The following FBXO41 variants were observed in gnomAD, a reference collection of about 807,000 sequenced individuals.
The protein encoded by FBXO41 is F-box protein 41.
In FBXO41, 33 loss-of-function variants were observed where a neutral mutation model predicts 81.6. The observed-to-expected ratio is 0.40, with a 90% CI of 0.31 to 0.54. FBXO41 has a LOEUF of 0.54. Ranked by LOEUF, FBXO41 falls within the 20% of genes least tolerant of loss-of-function variation. FBXO41 has a pLI of 0.39. For synonymous variants in FBXO41, 576 were observed against 552.7 expected (o/e 1.04, Z -0.59); for missense variants, 1,107 against 1,236.0 (o/e 0.90, Z 1.56).
intron 5 of FBXO41, 61 bp from the exon 6 acceptor site, chr2:73,264,580 T>G (rs1688160398): frequency 8.8e-6 from 14 of 1,598,170 alleles, no homozygotes; most frequent in Middle Eastern, 2.1e-4. Context: ...TGGGGATGTG[T>G]GTGGGGAGCT....
At position 73,263,215 on chromosome 2, in the gene FBXO41, G is replaced by A; in HGVS notation, c.2169C>T (p.Pro723=). Residue 723 remains proline (P), a splice_region_variant and synonymous_variant, in exon 9 of 13, where the codon CCC becomes CCT. Coordinates refer to ENST00000520530, the MANE Select transcript of FBXO41 (RefSeq NM_001371389.2). ...IVSLQVAPLH[P]CQQPTRFSNR... ...CCCCCAAACCTGCCAGGGCTCACCAGGGGTGAAGTGGTGCCACTTGGAGGG... is the reference window on the plus strand; with the variant it reads ...CCCCCAAACCTGCCAGGGCTCACCAAGGGTGAAGTGGTGCCACTTGGAGGG... 1 of 1,554,228 alleles carries A rather than the reference G, an allele frequency of 6.4e-7. No individual in the cohort carries two copies. The highest frequency in any genetic ancestry group is 8.7e-7 in the Non-Finnish European group (1 of 1,148,420).
rs1481342543 is a variant in FBXO41, at chr2:73,260,214, G to GACCTGCT, written c.2449+174_2449+175insAGCAGGT. On this transcript the variant is annotated intron_variant, in intron 11 of 12. Coordinates refer to ENST00000520530, the MANE Select transcript of FBXO41 (RefSeq NM_001371389.2). This position sits in a 1 kb window ranked among gnomAD's most constrained non-coding sequence, Gnocchi z 5.0. Reference sequence around the variant, plus strand: ...ACTCAGCTAATAAGTAGCAGAGCCAGACCTGGGACCTAGGTCAGTCAGGCT... The same window carrying GACCTGCT: ...ACTCAGCTAATAAGTAGCAGAGCCAGACCTGCTACCTGGGACCTAGGTCAGTCAGGCT... Among the ~76,000 whole-genome samples the GACCTGCT allele has an allele frequency of 2.0e-5, 3 of 152,186 alleles. No individual in the cohort carries two copies. The highest frequency in any genetic ancestry group is 7.2e-5 in the African/African-American group (3 of 41,434).
At chr2:73,270,610 G>T (rs1688463053) in intron 1 of FBXO41, among the ~76,000 whole-genome samples, 1 of 152,022 alleles carries the variant, frequency 6.6e-6, no homozygotes, top group Non-Finnish European at 1.5e-5. Context: ...CCTAGAAAAG[G>T]TGAGGTAGGC....
intron 1 of FBXO41, among the ~76,000 whole-genome samples, chr2:73,275,881 G>A (rs1364200807): frequency 6.7e-6 from 1 of 150,040 alleles, no homozygotes; most frequent in Non-Finnish European, 1.5e-5. Context: ...CCACGCCCTG[G>A]GTTCAAGTGA....
chr2:73,267,762 C>A (rs935707569), intron 2 of FBXO41, among the ~76,000 whole-genome samples: 2 of 152,180 alleles, frequency 1.3e-5, no homozygotes, highest in African/African-American at 2.4e-5. Context: ...CTTAAATGTG[C>A]TCAGAGCACT....
chr2:73,275,179 G>A (rs974962011), intron 1 of FBXO41, among the ~76,000 whole-genome samples: 4 of 149,338 alleles, frequency 2.7e-5, no homozygotes, highest in Non-Finnish European at 4.4e-5. Context: ...ATGAGCCACC[G>A]CGCCCGGCCC....
intron 9 of FBXO41, among the ~76,000 whole-genome samples, chr2:73,261,379 G>T (rs1236757369): frequency 6.6e-6 from 1 of 152,100 alleles, no homozygotes; most frequent in Non-Finnish European, 1.5e-5. Context: ...TGAACCCACA[G>T]TTCAGACCAC....
At chr2:73,281,719 G>C (rs982014823) in intron 1 of FBXO41, among the ~76,000 whole-genome samples, 1 of 152,212 alleles carries the variant, frequency 6.6e-6, no homozygotes, top group Admixed American at 6.5e-5. Flanking sequence ...GAGAGTCTAC[G>C]TGAGACCAGC....
intron 1 of FBXO41, among the ~76,000 whole-genome samples, chr2:73,271,694 A>C (rs529549058): frequency 7.4e-4 from 107 of 144,474 alleles, no homozygotes; most frequent in Non-Finnish European, 1.3e-3. Context: ...GCAGTGGTGC[A>C]GTCTCGGCTC....
chr2:73,266,869 G>T lies in FBXO41; in HGVS notation c.906-187C>A. Reference sequence around the variant, plus strand: ...CACGATGACACATACAGAAATGCATGCATGCACTCCGAGCCACACACTCAC... The same window carrying T: ...CACGATGACACATACAGAAATGCATTCATGCACTCCGAGCCACACACTCAC... On this transcript the variant is annotated intron_variant, in intron 2 of 12. Transcript: ENST00000520530. The surrounding 1 kb of genome is among the most constrained non-coding windows in gnomAD (Gnocchi z 5.3). 1.1e-6 allele frequency: 1 copy of T among 907,314 alleles called. No individual in the cohort carries two copies. The highest frequency in any genetic ancestry group is 1.5e-6 in the Non-Finnish European group (1 of 661,960). 56.2% of individuals were successfully genotyped at this position (907,314 alleles called of 1,614,324 possible).
Position 73,266,517 on chromosome 2 carries a change from G to A in FBXO41, c.1071C>T (p.Ser357=), listed in dbSNP as rs1030500048. ...CACCGCCCCCACCTCCACGGCCCAG[G>A]CTGGCGCTGGGCGTGCTGCCACAGC... is the stretch of plus-strand genomic sequence containing the variant. The part of the protein sequence containing the change: ...SSSCGSTPSA[S]LGRGGGGGGA... Residue 357 remains serine (S), a synonymous_variant, in exon 3 of 13, where the codon AGC becomes AGT. Transcript: ENST00000520530. This position sits in a 1 kb window ranked among gnomAD's most constrained non-coding sequence, Gnocchi z 5.3. The A allele has an allele frequency of 5.3e-5, 85 of 1,601,450 alleles. No individual in the cohort carries two copies. The highest frequency in any genetic ancestry group is 7.0e-5 in the Non-Finnish European group (82 of 1,175,292).
chr2:73,277,097 G>A (rs1011071761), intron 1 of FBXO41, among the ~76,000 whole-genome samples: 1 of 152,198 alleles, frequency 6.6e-6, no homozygotes, highest in African/African-American at 2.4e-5. Context: ...TGCTAGCCAG[G>A]CTGCCAGACA....
chr2:73,255,639 G>A lies in FBXO41; in HGVS notation c.*3343C>T, dbSNP rs1176908088. 6.6e-6 allele frequency: 1 copy of A among 152,598 alleles called. No individual in the cohort carries two copies. The highest frequency in any genetic ancestry group is 2.4e-5 in the African/African-American group (1 of 41,420). 9.5% of individuals were successfully genotyped at this position (152,598 alleles called of 1,614,324 possible). A position where few individuals can be genotyped will look rare whatever the true frequency, so the allele number is the denominator to read the frequency against. Reference sequence around the variant, plus strand: ...AGGAACTGGGACTTTGGCACCAATAGTCACTCTGGGAAGGCCTCCTTCAAC... The same window carrying A: ...AGGAACTGGGACTTTGGCACCAATAATCACTCTGGGAAGGCCTCCTTCAAC... On this transcript the variant is annotated 3_prime_UTR_variant, in exon 13 of 13. Transcript: ENST00000520530.
In FBXO41 at chr2:73,266,648, T is replaced by C; in HGVS notation, c.940A>G (p.Thr314Ala). 1.2e-6 allele frequency: 2 copies of C among 1,602,938 alleles called. No individual in the cohort carries two copies. The highest frequency in any genetic ancestry group is 8.5e-7 in the Non-Finnish European group (1 of 1,175,338). Residue 314 changes from threonine (T) to alanine (A), a missense_variant, in exon 3 of 13, where the codon ACG becomes GCG. By Grantham distance (58) the Thr-to-Ala change is moderately conservative. Coordinates refer to ENST00000520530, the MANE Select transcript of FBXO41 (RefSeq NM_001371389.2). This position sits in a 1 kb window ranked among gnomAD's most constrained non-coding sequence, Gnocchi z 5.3. ...TTGGCGCTGGCCTCCCGCGCCGCCG[T>C]CTCCTTCAGGAACTGGTCGATCTGC... is the stretch of plus-strand genomic sequence containing the variant. ...VVQIDQFLKE[T>A]AAREASAKLR...
intron 1 of FBXO41, among the ~76,000 whole-genome samples, chr2:73,282,004 T>C (rs1688859872): frequency 6.6e-6 from 1 of 152,104 alleles, no homozygotes; most frequent in African/African-American, 2.4e-5. Context: ...AATAAATTTC[T>C]TTTTTTTGAG....
Position 73,259,769 on chromosome 2 carries a change from A to C in FBXO41, c.2450-473T>G, listed in dbSNP as rs990728095. 3.9e-5 allele frequency among the ~76,000 whole-genome samples: 6 copies of C among 152,082 alleles called. No homozygotes were observed. Among genetic ancestry groups the C allele is most frequent in the African/African-American group, 1.5e-4 (6 of 41,342 alleles). ...GGCGACTGAGAAGGGCCTGGAGGTC[A>C]TGATTCTGGAGGCTGAGCAGTTAGT... On this transcript the variant is annotated intron_variant, in intron 11 of 12. Coordinates refer to ENST00000520530, the MANE Select transcript of FBXO41 (RefSeq NM_001371389.2). The surrounding 1 kb of genome is among the most constrained non-coding windows in gnomAD (Gnocchi z 4.2).
chr2:73,265,997 GA>G (rs778324100), intron 3 of FBXO41, 31 bp from the exon 4 acceptor site: 5 of 1,548,730 alleles, frequency 3.2e-6, no homozygotes, highest in Non-Finnish European at 4.4e-6. Flanking sequence ...AGGTAAAGGA[GA>G]GGGGCGGAGG....
Position 73,265,391 on chromosome 2 carries a change from A to G in FBXO41, c.1455T>C (p.Asp485=). 6.2e-7 allele frequency: 1 copy of G among 1,611,384 alleles called. No homozygotes were observed. Among genetic ancestry groups the G allele is most frequent in the Non-Finnish European group, 8.5e-7 (1 of 1,179,730 alleles). Residue 485 remains aspartate, a synonymous_variant, in exon 5 of 13, where the codon GAT becomes GAC. Transcript: ENST00000520530. ...RRHSTEGEEG[D]VSDVGSRTTE... ...TGGTTCGGGAGCCAACGTCGGAGACATCACCCTCTTCCCCCTCAGTGCTGT... is the reference window on the plus strand; with the variant it reads ...TGGTTCGGGAGCCAACGTCGGAGACGTCACCCTCTTCCCCCTCAGTGCTGT...
chr2:73,274,170 A>G (rs1352281349), intron 1 of FBXO41, among the ~76,000 whole-genome samples: 1 of 152,122 alleles, frequency 6.6e-6, no homozygotes, highest in Non-Finnish European at 1.5e-5. Flanking sequence ...ACTGCAGCCA[A>G]ACTCCTCAGC....
Sources: allele counts gnomAD v4.1 joint callset (sites outside exome capture counted in the v4.1 genomes callset), GRCh38; gene constraint gnomAD v4.1.1; non-coding constraint Gnocchi (gnomAD v3.1); transcripts MANE v1.5; gene names NCBI Gene and HGNC (gene_info 2026-07-23, HGNC 2026-07-21).